The following ARL15 variants were observed in gnomAD, a reference collection of about 807,000 sequenced individuals.
The protein encoded by ARL15 is ARF like GTPase 15.
Under a neutral mutation model 25.2 loss-of-function variants are expected in ARL15, and 19 were observed. That is an observed-to-expected ratio of 0.75 (90% confidence interval 0.53 to 1.10). The LOEUF is 1.10. Among genes scored for constraint, ARL15 ranks in the 50% least tolerant of loss-of-function variants. The probability of loss-of-function intolerance (pLI) is 0.00; values close to 1 mark genes in which losing one functional copy is unlikely to be tolerated. For missense variants in ARL15, 220 were observed against 246.0 expected (o/e 0.89, Z 0.71); for synonymous variants, 94 against 86.8 (o/e 1.08, Z -0.46).
chr5:53,970,339 A>C (rs1412893543), intron 4 of ARL15, among the ~76,000 whole-genome samples: 1 of 152,180 alleles, frequency 6.6e-6, no homozygotes, highest in African/African-American at 2.4e-5. Flanking sequence ...AGTCCATAAA[A>C]TATCACTCAG....
chr5:54,129,965 G>A (rs1753382032), intron 3 of ARL15, among the ~76,000 whole-genome samples: 1 of 152,212 alleles, frequency 6.6e-6, no homozygotes, highest in African/African-American at 2.4e-5. Flanking sequence ...TTGGCTGGAT[G>A]TGGTGGCTCA....
chr5:54,261,650 G>A (rs1757499726), intron 1 of ARL15, among the ~76,000 whole-genome samples: 1 of 152,074 alleles, frequency 6.6e-6, no homozygotes, highest in Non-Finnish European at 1.5e-5. Flanking sequence ...AGAATATCTA[G>A]TCAAGTCCTT....
chr5:54,217,256 T>C (rs558955441), intron 1 of ARL15, among the ~76,000 whole-genome samples: 4 of 151,902 alleles, frequency 2.6e-5, no homozygotes, highest in Non-Finnish European at 5.9e-5. Flanking sequence ...TCCCATCCTA[T>C]ATGAAATCTT....
intron 4 of ARL15, among the ~76,000 whole-genome samples, chr5:54,088,506 C>A (rs1752043100): frequency 6.6e-6 from 1 of 152,170 alleles, no homozygotes; most frequent in Non-Finnish European, 1.5e-5. Flanking sequence ...CCACTGTTAG[C>A]ATGAAAATGA....
rs1378486944 is a variant in ARL15 at position 53,974,177 on chromosome 5, C to T, written c.463-87464G>A. 2.0e-5 allele frequency among the ~76,000 whole-genome samples: 3 copies of T among 152,236 alleles called. 1 individual carries two copies. The highest frequency in any genetic ancestry group is 1.3e-4 in the Admixed American group (2 of 15,278). On this transcript the variant is annotated intron_variant, in intron 4 of 4. Coordinates refer to ENST00000504924, the MANE Select transcript of ARL15 (RefSeq NM_019087.3). Reference sequence around the variant, plus strand: ...GCAAGCTACTGTCATGTACCCACCTCTTGGCAAGTTGCCTTAGACCTGGAT... The same window carrying T: ...GCAAGCTACTGTCATGTACCCACCTTTTGGCAAGTTGCCTTAGACCTGGAT...
intron 4 of ARL15, among the ~76,000 whole-genome samples, chr5:53,892,757 C>T (rs1744760484): frequency 6.6e-6 from 1 of 152,074 alleles, no homozygotes; most frequent in Non-Finnish European, 1.5e-5. Flanking sequence ...AATGTGCTAT[C>T]ATGCCTGCCT....
chr5:53,972,048 C>T lies in ARL15; in HGVS notation c.463-85335G>A, dbSNP rs79499568. Among the ~76,000 whole-genome samples, 748 of 152,054 alleles carry T rather than the reference C, an allele frequency of 4.9e-3. 3 individuals are homozygous for T. The highest frequency in any genetic ancestry group is 8.7e-3 in the Admixed American group (133 of 15,276). On this transcript the variant is annotated intron_variant, in intron 4 of 4. Coordinates refer to ENST00000504924, the MANE Select transcript of ARL15 (RefSeq NM_019087.3). Reference sequence around the variant, plus strand: ...TGAATATAGATTTAAAAAGATTATCCGTAAGTTTTTGACTGTTGAACTGGT... The same window carrying T: ...TGAATATAGATTTAAAAAGATTATCTGTAAGTTTTTGACTGTTGAACTGGT...
chr5:54,069,894 C>T (rs1279343125), intron 4 of ARL15, among the ~76,000 whole-genome samples: 1 of 151,320 alleles, frequency 6.6e-6, no homozygotes, highest in Non-Finnish European at 1.5e-5. Flanking sequence ...AGGCTGTTCT[C>T]GAAATCCTGA....
chr5:54,222,833 A>T (rs1375436445), intron 1 of ARL15, among the ~76,000 whole-genome samples: 1 of 151,636 alleles, frequency 6.6e-6, no homozygotes, highest in African/African-American at 2.4e-5. Flanking sequence ...TTTATTTTTT[A>T]TTTTTTTTGA....
rs1204572856 is a variant in ARL15, at chr5:54,101,406, T to C, written c.462+11796A>G. ...AATTACAGATTCATATTGAGTGTTT[T>C]ATAAAAAAGCAATGTCTAGGACCTA... On this transcript the variant is annotated intron_variant, in intron 4 of 4. Transcript: ENST00000504924. Among the ~76,000 whole-genome samples the C allele has an allele frequency of 3.9e-5, 6 of 152,114 alleles. No individual in the cohort carries two copies. The South Asian group carries it at 1.0e-3, about 26-fold the overall frequency.
intron 3 of ARL15, among the ~76,000 whole-genome samples, chr5:54,136,161 C>T (rs568763665): frequency 6.6e-6 from 1 of 152,252 alleles, no homozygotes; most frequent in East Asian, 1.9e-4. Context: ...TATACTGACT[C>T]CCAGATTCAT....
chr5:54,007,202 T>G (rs1166818656), intron 4 of ARL15, among the ~76,000 whole-genome samples: 2 of 138,240 alleles, frequency 1.4e-5, no homozygotes, highest in Non-Finnish European at 3.2e-5. Context: ...AAACTTCAGG[T>G]CTGTGGCTTT....
At chr5:54,029,129 C>A (rs1174844483) in intron 4 of ARL15, among the ~76,000 whole-genome samples, 3 of 152,040 alleles carry the variant, frequency 2.0e-5, no homozygotes, top group Non-Finnish European at 1.5e-5. Flanking sequence ...GGGTTCGAAT[C>A]TCAGCTCTGT....
chr5:54,030,173 T>C (rs1749931397), intron 4 of ARL15, among the ~76,000 whole-genome samples: 2 of 151,892 alleles, frequency 1.3e-5, no homozygotes, highest in African/African-American at 2.4e-5. Flanking sequence ...ACACCCTGTT[T>C]CAAAAAAGGA....
intron 1 of ARL15, among the ~76,000 whole-genome samples, chr5:54,189,405 G>A (rs751887962): frequency 2.0e-5 from 3 of 151,920 alleles, no homozygotes; most frequent in African/African-American, 7.3e-5. Context: ...CAAAACAAAC[G>A]TCCGGTAATC....
rs77826492 is a variant in ARL15, at chr5:54,229,858, C to T, written c.49-57930G>A. Among the ~76,000 whole-genome samples the T allele has an allele frequency of 5.3e-3, 803 of 152,252 alleles. 6 individuals are homozygous for T. The highest frequency in any genetic ancestry group is 0.016 in the African/African-American group (658 of 41,528). On this transcript the variant is annotated intron_variant, in intron 1 of 4. Coordinates refer to ENST00000504924, the MANE Select transcript of ARL15 (RefSeq NM_019087.3). ...GATCCCCACCGGCAATCTCACTTCCCGTTCTCCCCTTTGAGGCCAAATTGT... is the reference window on the plus strand; with the variant it reads ...GATCCCCACCGGCAATCTCACTTCCTGTTCTCCCCTTTGAGGCCAAATTGT...
intron 4 of ARL15, among the ~76,000 whole-genome samples, chr5:54,026,950 C>G (rs931868347): frequency 6.6e-6 from 1 of 152,094 alleles, no homozygotes; most frequent in South Asian, 2.1e-4. Context: ...AAGCTCTCTT[C>G]TTAAGGATAT....
chr5:54,238,441 C>T (rs1413944426), intron 1 of ARL15, among the ~76,000 whole-genome samples: 1 of 152,180 alleles, frequency 6.6e-6, no homozygotes, highest in Non-Finnish European at 1.5e-5. Flanking sequence ...TGAGTGAAAC[C>T]TTCCCGACTT....
In ARL15 at chr5:54,155,725, TAC is replaced by T. The variant is rs1315874762; in HGVS notation, c.194-1088_194-1087del. Among the ~76,000 whole-genome samples, 9 of 151,396 alleles carry T rather than the reference TAC, an allele frequency of 5.9e-5. No homozygotes were observed. In the East Asian group the frequency reaches 1.7e-3, roughly 29 times the overall value. On this transcript the variant is annotated intron_variant, in intron 2 of 4. Coordinates refer to ENST00000504924, the MANE Select transcript of ARL15 (RefSeq NM_019087.3). The stretch of plus-strand genomic sequence containing the variant: ...ACACGCACACACACACATGCAAATA[TAC>T]ACACAGATTCTTTCTGAAAGGATCC...
Sources: gnomAD v4.1 joint callset for allele counts (sites outside exome capture counted in the v4.1 genomes callset) on GRCh38, gnomAD v4.1.1 for gene constraint, MANE v1.5 for transcripts, NCBI Gene and HGNC (gene_info 2026-07-23, HGNC 2026-07-21) for gene names.